Variants in GALNT7 observed in about 807,000 individuals in gnomAD.
The protein encoded by GALNT7 is N-acetylgalactosaminyltransferase 7.
Under a neutral mutation model 82.1 loss-of-function variants are expected in GALNT7, and 60 were observed. The ratio of observed to expected loss-of-function variants is 0.73; its 90% CI spans 0.59 to 0.91. The LOEUF is 0.91. Among genes scored for constraint, GALNT7 ranks in the 40% least tolerant of loss-of-function variants. The probability of loss-of-function intolerance (pLI) is 0.00; values close to 1 mark genes in which losing one functional copy is unlikely to be tolerated. For missense variants in GALNT7, 660 were observed against 804.2 expected (o/e 0.82, Z 2.17); for synonymous variants, 243 against 275.1 (o/e 0.88, Z 1.15).
intron 1 of GALNT7, among the ~76,000 whole-genome samples, chr4:173,215,463 T>C (rs1195158629): frequency 1.3e-5 from 2 of 152,078 alleles, no homozygotes; most frequent in Non-Finnish European, 2.9e-5. Flanking sequence ...ACTCCTGACC[T>C]CAGGTGATCC....
At chr4:173,192,927 T>C (rs1732667979) in intron 1 of GALNT7, among the ~76,000 whole-genome samples, 1 of 152,174 alleles carries the variant, frequency 6.6e-6, no homozygotes, top group African/African-American at 2.4e-5. Flanking sequence ...TGTGGTGTTG[T>C]CCACTAAAGA....
intron 1 of GALNT7, among the ~76,000 whole-genome samples, chr4:173,174,351 CT>C (rs1360043003): frequency 2.0e-5 from 3 of 152,212 alleles, no homozygotes; most frequent in Non-Finnish European, 4.4e-5. Flanking sequence ...ACCATGTGCC[CT>C]TTGAAGGCAG....
chr4:173,224,282 T>C (rs1177896135), intron 1 of GALNT7, among the ~76,000 whole-genome samples: 1 of 152,018 alleles, frequency 6.6e-6, no homozygotes, highest in African/African-American at 2.4e-5. Context: ...GATCTCACCA[T>C]ATCGAATTTT....
chr4:173,273,643 T>C (rs1240897496), intron 2 of GALNT7, among the ~76,000 whole-genome samples: 1 of 152,176 alleles, frequency 6.6e-6, no homozygotes, highest in Non-Finnish European at 1.5e-5. Context: ...GTTCATAGTG[T>C]GCTCATTGTC....
At chr4:173,228,582 T>C (rs1420798497) in intron 1 of GALNT7, among the ~76,000 whole-genome samples, 2 of 152,096 alleles carry the variant, frequency 1.3e-5, no homozygotes, top group Non-Finnish European at 2.9e-5. Context: ...TCTTCTGTAA[T>C]TAGAATTGTG....
chr4:173,282,672 G>A (rs967143617), intron 2 of GALNT7, among the ~76,000 whole-genome samples: 6 of 152,248 alleles, frequency 3.9e-5, no homozygotes, highest in Non-Finnish European at 8.8e-5. Flanking sequence ...TGCGTTTAAT[G>A]TGTGGTTCCA....
At chr4:173,184,610 G>A (rs1732408926) in intron 1 of GALNT7, among the ~76,000 whole-genome samples, 1 of 145,412 alleles carries the variant, frequency 6.9e-6, no homozygotes. Context: ...GGCATCAGAG[G>A]GAGACCAGGG....
intron 1 of GALNT7, among the ~76,000 whole-genome samples, chr4:173,182,925 T>TACACACACACAC (rs61378172): frequency 0.056 from 7,559 of 134,150 alleles, 302 homozygotes; most frequent in African/African-American, 0.096. Context: ...TTACTCATAA[T>TACACACACACAC]ACACACACAC....
chr4:173,305,123 T>C (rs1036682399), intron 8 of GALNT7, among the ~76,000 whole-genome samples: 1 of 152,144 alleles, frequency 6.6e-6, no homozygotes, highest in African/African-American at 2.4e-5. Context: ...GGCTGCACCA[T>C]TTTGCATTCC....
intron 1 of GALNT7, among the ~76,000 whole-genome samples, chr4:173,216,855 C>T (rs1244957736): frequency 6.0e-5 from 9 of 149,474 alleles, no homozygotes; most frequent in African/African-American, 1.2e-4. Flanking sequence ...CTCAGCCTCC[C>T]GAGTAGCTGG....
At chr4:173,318,386 A>G in intron 10 of GALNT7, 45 bp from the exon 11 acceptor site, 1 of 1,516,120 alleles carries the variant, frequency 6.6e-7, no homozygotes, top group Non-Finnish European at 8.9e-7. Context: ...GCACATCAGC[A>G]GGGAAGGTGC....
chr4:173,170,039 C>G (rs1046408019), intron 1 of GALNT7, among the ~76,000 whole-genome samples: 1 of 152,092 alleles, frequency 6.6e-6, no homozygotes, highest in Non-Finnish European at 1.5e-5. Flanking sequence ...TACCCGGAGC[C>G]GCGCCGCGCG....
chr4:173,230,611 A>T (rs927171700), intron 1 of GALNT7, among the ~76,000 whole-genome samples: 2 of 152,164 alleles, frequency 1.3e-5, no homozygotes, highest in Admixed American at 6.5e-5. Context: ...ATTATTCTGT[A>T]TGAAAGTAGT....
chr4:173,284,336 T>A (rs891734543), intron 2 of GALNT7, among the ~76,000 whole-genome samples: 1 of 152,226 alleles, frequency 6.6e-6, no homozygotes, highest in Non-Finnish European at 1.5e-5. Context: ...ACAAATTTGG[T>A]TATTTCTGTG....
At chr4:173,312,915 C>T (rs372797870) in intron 8 of GALNT7, among the ~76,000 whole-genome samples, 5 of 152,136 alleles carry the variant, frequency 3.3e-5, no homozygotes, top group African/African-American at 1.2e-4. Context: ...AGAAATTAGC[C>T]AGGTGTGGTG....
At chr4:173,259,179 AGGGTGT>A (rs1345861456) in intron 2 of GALNT7, among the ~76,000 whole-genome samples, 3 of 152,196 alleles carry the variant, frequency 2.0e-5, no homozygotes, top group Non-Finnish European at 4.4e-5. Flanking sequence ...TTATGGGAGG[AGGGTGT>A]GACACAATGA....
intron 3 of GALNT7, among the ~76,000 whole-genome samples, chr4:173,293,960 T>C (rs1387966153): frequency 2.6e-5 from 4 of 152,216 alleles, no homozygotes; most frequent in African/African-American, 7.2e-5. Flanking sequence ...GTCACACATG[T>C]CCTAGCCTGC....
chr4:173,257,944 G>C (rs1735105367), intron 2 of GALNT7, among the ~76,000 whole-genome samples: 1 of 152,174 alleles, frequency 6.6e-6, no homozygotes, highest in South Asian at 2.1e-4. Flanking sequence ...GCTCCCTCCA[G>C]AGTCCACACG....
chr4:173,219,449 T>C (rs575685176), intron 1 of GALNT7, among the ~76,000 whole-genome samples: 2 of 152,298 alleles, frequency 1.3e-5, no homozygotes, highest in South Asian at 4.1e-4. Context: ...TGTGCTGCTA[T>C]AAATATGTGT....
Sources: gnomAD v4.1 joint callset for allele counts (sites outside exome capture counted in the v4.1 genomes callset) on GRCh38, gnomAD v4.1.1 for gene constraint, MANE v1.5 for transcripts, NCBI Gene and HGNC (gene_info 2026-07-23, HGNC 2026-07-21) for gene names.